The following AGMO variants were observed in gnomAD, a reference collection of about 807,000 sequenced individuals.
The protein encoded by AGMO is alkylglycerol monooxygenase.
A neutral mutation model predicts 60.2 loss-of-function variants in AGMO; 75 were observed. That is an observed-to-expected ratio of 1.25 (90% confidence interval 1.03 to 1.51). The LOEUF (loss-of-function observed/expected upper bound fraction) is 1.51, where lower values mean the gene tolerates loss of function less well. Among genes scored for constraint, AGMO ranks in the 40% most tolerant of loss-of-function variants. The pLI is 0.00. For synonymous variants in AGMO, 261 were observed against 177.1 expected (o/e 1.47, Z -3.76); for missense variants, 763 against 525.5 (o/e 1.45, Z -4.42).
chr7:15,378,102 T>C (rs1783526468), intron 10 of AGMO, among the ~76,000 whole-genome samples: 1 of 152,050 alleles, frequency 6.6e-6, no homozygotes, highest in Non-Finnish European at 1.5e-5. Context: ...CATAGTATCC[T>C]AGTTCCTGCA....
At chr7:15,407,854 A>T (rs1027455249) in intron 5 of AGMO, among the ~76,000 whole-genome samples, 1 of 151,842 alleles carries the variant, frequency 6.6e-6, no homozygotes, top group African/African-American at 2.4e-5. Flanking sequence ...ATAAGAATTA[A>T]ACTTCACTAT....
chr7:15,521,960 G>A (rs1313149241), intron 3 of AGMO, among the ~76,000 whole-genome samples: 3 of 152,108 alleles, frequency 2.0e-5, no homozygotes, highest in Non-Finnish European at 4.4e-5. Context: ...CATCATCTCA[G>A]CCCCAAAATG....
At chr7:15,527,690 A>G (rs1473752817) in intron 3 of AGMO, among the ~76,000 whole-genome samples, 1 of 152,210 alleles carries the variant, frequency 6.6e-6, no homozygotes, top group African/African-American at 2.4e-5. Context: ...TACAATTTTC[A>G]TAGTTAGAAG....
chr7:15,384,217 A>G (rs6976409), intron 10 of AGMO, among the ~76,000 whole-genome samples: 8,491 of 152,208 alleles, frequency 0.056, 468 homozygotes, highest in East Asian at 0.24. Flanking sequence ...GATTACAGGC[A>G]TGAGCCACCA....
At chr7:15,246,184 G>A (rs1473666271) in intron 12 of AGMO, among the ~76,000 whole-genome samples, 2 of 151,954 alleles carry the variant, frequency 1.3e-5, no homozygotes, top group African/African-American at 2.4e-5. Flanking sequence ...ACATTCCAGC[G>A]TTAGCTCTCT....
chr7:15,546,333 T>G (rs1312585122), intron 2 of AGMO, among the ~76,000 whole-genome samples: 1 of 152,052 alleles, frequency 6.6e-6, no homozygotes, highest in Admixed American at 6.6e-5. Context: ...AATCTCCAAT[T>G]TGAGATTACA....
chr7:15,188,828 G>A, the AGMO span, among the ~76,000 whole-genome samples: 2 of 152,152 alleles, frequency 1.3e-5, no homozygotes, highest in Non-Finnish European at 2.9e-5. Context: ...TGAACTGATC[G>A]TTGGAGTTAA....
chr7:15,297,418 C>A (rs1167899890), intron 12 of AGMO, among the ~76,000 whole-genome samples: 2 of 152,080 alleles, frequency 1.3e-5, no homozygotes, highest in Admixed American at 1.3e-4. Flanking sequence ...AATATCATTA[C>A]AGAAATGGGG....
At chr7:15,421,892 T>G (rs1780934564) in intron 4 of AGMO, among the ~76,000 whole-genome samples, 1 of 152,042 alleles carries the variant, frequency 6.6e-6, no homozygotes, top group Non-Finnish European at 1.5e-5. Context: ...AAGATGCAAC[T>G]CTATGAGAAG....
intron 3 of AGMO, among the ~76,000 whole-genome samples, chr7:15,497,379 A>C (rs1005518917): frequency 6.6e-6 from 1 of 152,116 alleles, no homozygotes; most frequent in Non-Finnish European, 1.5e-5. Context: ...TATAATAAAG[A>C]TATCTTATTT....
chr7:15,202,458 C>CAAGAAAAAA (rs1781317347), intron 12 of AGMO, among the ~76,000 whole-genome samples: 1 of 45,358 alleles, frequency 2.2e-5, no homozygotes, highest in Non-Finnish European at 4.5e-5. Context: ...TACAAATGAG[C>CAAGAAAAAA]AAAAAAAAAA....
chr7:15,519,372 G>A (rs1316137527), intron 3 of AGMO, among the ~76,000 whole-genome samples: 1 of 151,874 alleles, frequency 6.6e-6, no homozygotes, highest in East Asian at 2.0e-4. Context: ...CACCAAGGTT[G>A]AAATGAAGGA....
chr7:15,458,108 T>C (rs1461377287), intron 3 of AGMO, among the ~76,000 whole-genome samples: 3 of 152,146 alleles, frequency 2.0e-5, no homozygotes, highest in Non-Finnish European at 2.9e-5. Context: ...TAACCAAATA[T>C]TGGCACTTAA....
chr7:15,327,723 G>A (rs1003873232), intron 12 of AGMO, among the ~76,000 whole-genome samples: 3 of 142,048 alleles, frequency 2.1e-5, no homozygotes, highest in African/African-American at 5.1e-5. Flanking sequence ...ATGAAAAAAT[G>A]ATAAACTGAT....
At chr7:15,414,706 A>G (rs909285032) in intron 5 of AGMO, among the ~76,000 whole-genome samples, 5 of 152,230 alleles carry the variant, frequency 3.3e-5, no homozygotes, top group African/African-American at 1.2e-4. Context: ...CAAAAATCCT[A>G]GAGAAAATTA....
At chr7:15,238,252 TA>T (rs1782486194) in intron 12 of AGMO, among the ~76,000 whole-genome samples, 2 of 152,052 alleles carry the variant, frequency 1.3e-5, no homozygotes, top group African/African-American at 4.8e-5. Context: ...TGTGTATTTT[TA>T]AAGAAAATAA....
the AGMO span, among the ~76,000 whole-genome samples, chr7:15,134,804 G>C: frequency 7.9e-6 from 1 of 125,920 alleles, no homozygotes. Flanking sequence ...AGTGAAATTG[G>C]GGAACATAAA....
At chr7:15,371,747 T>C (rs1783227270) in intron 10 of AGMO, among the ~76,000 whole-genome samples, 1 of 151,824 alleles carries the variant, frequency 6.6e-6, no homozygotes, top group Non-Finnish European at 1.5e-5. Context: ...TTCACCACAT[T>C]GTCCAGGCTG....
chr7:15,479,063 C>T (rs1398039762), intron 3 of AGMO, among the ~76,000 whole-genome samples: 1 of 152,068 alleles, frequency 6.6e-6, no homozygotes, highest in African/African-American at 2.4e-5. Context: ...CATGATTGTT[C>T]ATGCATAGTT....
Sources: gnomAD v4.1 joint callset for allele counts (sites outside exome capture counted in the v4.1 genomes callset) on GRCh38, gnomAD v4.1.1 for gene constraint, MANE v1.5 for transcripts, NCBI Gene and HGNC (gene_info 2026-07-23, HGNC 2026-07-21) for gene names.